The following DTNBP1 variants were observed in gnomAD, a reference collection of about 807,000 sequenced individuals.
DTNBP1 encodes dystrobrevin binding protein 1.
Under a neutral mutation model 42.8 loss-of-function variants are expected in DTNBP1, and 35 were observed. That is an observed-to-expected ratio of 0.82 (90% CI 0.63 to 1.09). The LOEUF (loss-of-function observed/expected upper bound fraction) is 1.09, where lower values mean the gene tolerates loss of function less well. Ranked by LOEUF, DTNBP1 falls within the 50% of genes least tolerant of loss-of-function variation. The pLI is 0.00. For synonymous variants in DTNBP1, 171 were observed against 162.2 expected (o/e 1.05, Z -0.41); for missense variants, 457 against 424.2 (o/e 1.08, Z -0.68).
At position 15,662,976 on chromosome 6, in the gene DTNBP1, TCCCACTACCGGCCCCGCCCC is replaced by T; in HGVS notation, c.-127_-108del. ...CGCGCTGTCACCGCGCGCCCCGCAC[TCCCACTACCGGCCCCGCCCC>T]CGGTCTGGTCCTCGCCGCCGCGCCG... On this transcript the variant is annotated 5_prime_UTR_variant, in exon 1 of 10. Transcript: ENST00000344537. 1 of 1,484,828 alleles carries T rather than the reference TCCCACTACCGGCCCCGCCCC, an allele frequency of 6.7e-7. No homozygotes were observed. The highest frequency in any genetic ancestry group is 9.2e-7 in the Non-Finnish European group (1 of 1,084,058). The allele number at this position is 1,484,828 out of a possible 1,614,324, so 92.0% of individuals were successfully genotyped here. A position where few individuals can be genotyped will look rare whatever the true frequency, so the allele number is the denominator to read the frequency against.
At chr6:15,525,717 T>C (rs560744016) in intron 8 of DTNBP1, among the ~76,000 whole-genome samples, 7 of 152,146 alleles carry the variant, frequency 4.6e-5, no homozygotes, top group Non-Finnish European at 1.0e-4. Flanking sequence ...GATGAGTAAA[T>C]CTGCCATAAT....
At chr6:15,621,118 C>T (rs897632217) in intron 5 of DTNBP1, among the ~76,000 whole-genome samples, 4 of 152,134 alleles carry the variant, frequency 2.6e-5, no homozygotes, top group Non-Finnish European at 5.9e-5. Context: ...TTTTATCTTA[C>T]AAACTTACAC....
chr6:15,620,974 G>T (rs1288465611), intron 5 of DTNBP1, among the ~76,000 whole-genome samples: 1 of 152,066 alleles, frequency 6.6e-6, no homozygotes, highest in African/African-American at 2.4e-5. Context: ...AAAAAATAGA[G>T]AAAATTTTTA....
intron 6 of DTNBP1, 155 bp downstream of exon 6, chr6:15,615,112 A>G: frequency 9.5e-7 from 1 of 1,056,462 alleles, no homozygotes; most frequent in South Asian, 1.3e-5. Context: ...GGCAACAGAC[A>G]GTGGTTTTTA....
intron 7 of DTNBP1, among the ~76,000 whole-genome samples, chr6:15,542,537 A>T (rs933927332): frequency 1.3e-5 from 2 of 151,788 alleles, no homozygotes; most frequent in African/African-American, 4.8e-5. Flanking sequence ...ACACCCAGCT[A>T]ATTTTCGTAT....
Position 15,581,403 on chromosome 6 carries a change from C to T in DTNBP1, c.511+11656G>A, listed in dbSNP as rs139588862. Among the ~76,000 whole-genome samples, 717 of 152,006 alleles carry T rather than the reference C, an allele frequency of 4.7e-3. 6 individuals carry two copies. The highest frequency in any genetic ancestry group is 0.017 in the African/African-American group (689 of 41,476). On this transcript the variant is annotated intron_variant, in intron 7 of 9. Coordinates refer to ENST00000344537, the MANE Select transcript of DTNBP1 (RefSeq NM_032122.5). ...CCATCTTGGTCAGGCTGGTCTTGAA[C>T]TCCTGACCTCGTGATCCACCCGCCT...
At chr6:15,658,282 C>T (rs75200623) in intron 1 of DTNBP1, among the ~76,000 whole-genome samples, 9,216 of 152,278 alleles carry the variant, frequency 0.061, 447 homozygotes, top group African/African-American at 0.13. Context: ...AAGTTGAATA[C>T]TGAGATTATT....
chr6:15,641,032 A>G (rs2113777483), intron 3 of DTNBP1, among the ~76,000 whole-genome samples: 1 of 152,352 alleles, frequency 6.6e-6, no homozygotes, highest in South Asian at 2.1e-4. Flanking sequence ...GGAGATGCAG[A>G]CACAGAGGCA....
intron 8 of DTNBP1, among the ~76,000 whole-genome samples, chr6:15,525,599 A>AT (rs1236643720): frequency 2.6e-5 from 4 of 152,258 alleles, no homozygotes; most frequent in Non-Finnish European, 5.9e-5. Context: ...GGTGTCAAAA[A>AT]TAAGGACAGA....
intron 5 of DTNBP1, among the ~76,000 whole-genome samples, chr6:15,615,866 A>G (rs915892933): frequency 7.2e-5 from 11 of 152,260 alleles, no homozygotes; most frequent in African/African-American, 2.7e-4. Context: ...CACATCACAT[A>G]CACAAATCTT....
chr6:15,604,039 C>T (rs778104323), intron 6 of DTNBP1, among the ~76,000 whole-genome samples: 7 of 152,206 alleles, frequency 4.6e-5, no homozygotes, highest in Non-Finnish European at 1.0e-4. Context: ...CCAGGCTCTG[C>T]CTGGGTCCAC....
At chr6:15,539,900 C>T (rs1174520889) in intron 7 of DTNBP1, among the ~76,000 whole-genome samples, 2 of 152,170 alleles carry the variant, frequency 1.3e-5, no homozygotes, top group South Asian at 2.1e-4. Flanking sequence ...TGCAACTTCT[C>T]CTCCATACAA....
At chr6:15,626,255 T>C (rs1156756383) in intron 5 of DTNBP1, among the ~76,000 whole-genome samples, 1 of 152,242 alleles carries the variant, frequency 6.6e-6, no homozygotes, top group Non-Finnish European at 1.5e-5. Flanking sequence ...TGTGGGGTTC[T>C]TGTGAGAATT....
In DTNBP1 at chr6:15,550,000, A is replaced by C. The variant is rs550420541; in HGVS notation, c.512-16605T>G. 3.0e-3 allele frequency among the ~76,000 whole-genome samples: 460 copies of C among 152,322 alleles called. 3 individuals carry two copies. The highest frequency in any genetic ancestry group is 0.01 in the African/African-American group (430 of 41,576). On this transcript the variant is annotated intron_variant, in intron 7 of 9. Transcript: ENST00000344537. ...ACTACGCCAATCCCACCTCACTTCAAGAACTTCCTGTCCAAAGGTGAGGGA... is the reference window on the plus strand; with the variant it reads ...ACTACGCCAATCCCACCTCACTTCACGAACTTCCTGTCCAAAGGTGAGGGA...
chr6:15,608,368 A>AT (rs1259695239), intron 6 of DTNBP1, among the ~76,000 whole-genome samples: 2 of 152,184 alleles, frequency 1.3e-5, no homozygotes, highest in Non-Finnish European at 2.9e-5. Context: ...TAAATAAAGG[A>AT]GTCATAAAGC....
At chr6:15,652,227 G>T in intron 1 of DTNBP1, 87 bp from the exon 2 acceptor site, 1 of 1,104,342 alleles carries the variant, frequency 9.1e-7, no homozygotes, top group Non-Finnish European at 1.3e-6. Flanking sequence ...TGTCGTCCAG[G>T]CTGGAGTGCA....
chr6:15,660,554 G>A, intron 1 of DTNBP1: 1 of 1,289,284 alleles, frequency 7.8e-7, no homozygotes, highest in South Asian at 1.2e-5. Context: ...AAGACCTAAT[G>A]AAGCCCTCTC....
intron 3 of DTNBP1, among the ~76,000 whole-genome samples, chr6:15,638,544 C>T (rs956452127): frequency 3.3e-5 from 5 of 152,066 alleles, no homozygotes; most frequent in South Asian, 4.1e-4. Context: ...CAAAAAGAAA[C>T]AGGATATTTA....
rs1156469619 is a variant in DTNBP1 at position 15,637,729 on chromosome 6, T to C, written c.222+15A>G. The C allele has an allele frequency of 6.2e-7, 1 of 1,613,692 alleles. No homozygotes were observed. The highest frequency in any genetic ancestry group is 8.5e-7 in the Non-Finnish European group (1 of 1,179,846). On this transcript the variant is annotated intron_variant, in intron 4 of 9. Transcript: ENST00000344537. ...GGAAAGTTTGCCACGAGTATAAGAT[T>C]AGTCAATTCTTTACCTCTCCAGCAC... is the stretch of plus-strand genomic sequence containing the variant.
Sources: allele counts gnomAD v4.1 joint callset (sites outside exome capture counted in the v4.1 genomes callset), GRCh38; gene constraint gnomAD v4.1.1; transcripts MANE v1.5; gene names NCBI Gene and HGNC (gene_info 2026-07-23, HGNC 2026-07-21).